The following ZDHHC21 variants were observed in gnomAD, a reference collection of about 807,000 sequenced individuals.
The protein encoded by ZDHHC21 is palmitoyltransferase ZDHHC21.
A neutral mutation model predicts 34.6 loss-of-function variants in ZDHHC21; 15 were observed. That is an observed-to-expected ratio of 0.43 (90% CI 0.29 to 0.67). The LOEUF is 0.67. ZDHHC21 is among the 30% of genes least tolerant of loss of function. ZDHHC21 has a pLI of 0.14. For missense variants in ZDHHC21, 344 were observed against 327.7 expected, an observed-to-expected ratio of 1.05 and a Z score of -0.38; for synonymous variants, 142 against 101.8, an observed-to-expected ratio of 1.40 and a Z score of -2.38.
intron 2 of ZDHHC21, among the ~76,000 whole-genome samples, chr9:14,687,285 C>T (rs1362964085): frequency 2.0e-5 from 3 of 150,778 alleles, no homozygotes; most frequent in African/African-American, 7.5e-5. Context: ...CAGAGCTACA[C>T]TGCAGACACA....
intron 2 of ZDHHC21, among the ~76,000 whole-genome samples, chr9:14,684,025 T>C: frequency 6.6e-6 from 1 of 152,184 alleles, no homozygotes; most frequent in Non-Finnish European, 1.5e-5. Flanking sequence ...AAACTCTTAA[T>C]AAATTAGGTA....
chr9:14,637,297 G>A (rs1330958809), intron 8 of ZDHHC21, among the ~76,000 whole-genome samples: 1 of 151,902 alleles, frequency 6.6e-6, no homozygotes, highest in African/African-American at 2.4e-5. Context: ...AAAAAACCTA[G>A]AGTAAATGAT....
chr9:14,652,744 T>C (rs1730580794), intron 7 of ZDHHC21, among the ~76,000 whole-genome samples: 1 of 151,964 alleles, frequency 6.6e-6, no homozygotes, highest in Non-Finnish European at 1.5e-5. Flanking sequence ...GTACCAGTTT[T>C]CTACTGAATA....
intron 8 of ZDHHC21, among the ~76,000 whole-genome samples, chr9:14,619,936 C>G (rs1824995627): frequency 6.6e-6 from 1 of 151,562 alleles, no homozygotes; most frequent in African/African-American, 2.4e-5. Flanking sequence ...GACAGTATCA[C>G]TTCATTAAAA....
intron 1 of ZDHHC21, among the ~76,000 whole-genome samples, chr9:14,691,508 T>C (rs1330784609): frequency 6.6e-6 from 1 of 152,226 alleles, no homozygotes; most frequent in Non-Finnish European, 1.5e-5. Flanking sequence ...AAATAAGAAG[T>C]ACATGTTATG....
intron 6 of ZDHHC21, among the ~76,000 whole-genome samples, chr9:14,659,221 G>A (rs369774430): frequency 6.6e-6 from 1 of 152,122 alleles, no homozygotes; most frequent in East Asian, 1.9e-4. Context: ...AGGATGTAGA[G>A]TTAGAAGACA....
downstream of ZDHHC21, among the ~76,000 whole-genome samples, chr9:14,606,187 A>G (rs905898919): frequency 9.2e-5 from 14 of 152,158 alleles, no homozygotes; most frequent in Admixed American, 4.6e-4. Context: ...CCCATCCTAT[A>G]TACTTTTCCT....
chr9:14,630,267 C>A lies in ZDHHC21; in HGVS notation c.621+9629G>T, dbSNP rs576663191. ...CCTTTGTTGTCATTTCAATAACGTC[C>A]ACAGTATCTTCATTAAGGGTAAACT... is the stretch of plus-strand genomic sequence containing the variant. On this transcript the variant is annotated intron_variant, in intron 8 of 9. Transcript: ENST00000380916. Among the ~76,000 whole-genome samples the A allele has an allele frequency of 5.3e-5, 8 of 152,288 alleles. No homozygotes were observed. The South Asian group carries it at 6.2e-4, about 12-fold the overall frequency.
intron 9 of ZDHHC21, 88 bp downstream of exon 9, chr9:14,619,551 T>C: frequency 9.4e-7 from 1 of 1,068,052 alleles, no homozygotes; most frequent in African/African-American, 1.6e-5. Context: ...ATCATTATAT[T>C]ATCTATCTAC....
chr9:14,642,180 A>T (rs1003789428), intron 7 of ZDHHC21, among the ~76,000 whole-genome samples: 1 of 152,244 alleles, frequency 6.6e-6, no homozygotes, highest in Non-Finnish European at 1.5e-5. Flanking sequence ...AGTAGTAAAA[A>T]AACTTTAATC....
chr9:14,690,693 A>G (rs1839032032), intron 1 of ZDHHC21, among the ~76,000 whole-genome samples: 1 of 152,202 alleles, frequency 6.6e-6, no homozygotes, highest in Non-Finnish European at 1.5e-5. Context: ...AAGTACCATC[A>G]TACTAAGGTA....
At chr9:14,678,726 G>A (rs898995933) in intron 3 of ZDHHC21, among the ~76,000 whole-genome samples, 6 of 152,206 alleles carry the variant, frequency 3.9e-5, no homozygotes, top group African/African-American at 1.2e-4. Context: ...CAAGGATACA[G>A]CACTTTCTGT....
At chr9:14,595,399 A>G in the ZDHHC21 span, among the ~76,000 whole-genome samples, 2 of 152,372 alleles carry the variant, frequency 1.3e-5, no homozygotes, top group Non-Finnish European at 1.5e-5. Context: ...AAGTGAAAAG[A>G]GTCAGACATA....
In ZDHHC21 at chr9:14,693,403, G is replaced by C. The variant is rs1442012257; in HGVS notation, c.-399C>G. The C allele has an allele frequency of 6.8e-6, 2 of 294,346 alleles. No individual in the cohort carries two copies. Among genetic ancestry groups the C allele is most frequent in the South Asian group, 2.5e-5 (1 of 39,518 alleles). 18.2% of individuals were successfully genotyped at this position (294,346 alleles called of 1,614,324 possible). A position where few individuals can be genotyped will look rare whatever the true frequency, so the allele number is the denominator to read the frequency against. The stretch of plus-strand genomic sequence containing the variant: ...GGACCGGCCGAGTGGGTGTCCGCAT[G>C]CCCGCGCGCCCGCGTGGGGAGGGAC... On this transcript the variant is annotated 5_prime_UTR_variant, in exon 1 of 10. Coordinates refer to ENST00000380916, the MANE Select transcript of ZDHHC21 (RefSeq NM_178566.6).
chr9:14,686,862 A>G (rs1422710271), intron 2 of ZDHHC21, among the ~76,000 whole-genome samples: 1 of 150,212 alleles, frequency 6.7e-6, no homozygotes, highest in Non-Finnish European at 1.5e-5. Flanking sequence ...AATCACAACT[A>G]CTTAGGAGGT....
rs1247868987 is a variant in ZDHHC21, at chr9:14,616,541, G to A, written c.*2425C>T. Reference sequence around the variant, plus strand: ...ACTTATGGGGCAGTAAATCTTTAGAGCCAGTATAATTACATCAATTAGCCA... The same window carrying A: ...ACTTATGGGGCAGTAAATCTTTAGAACCAGTATAATTACATCAATTAGCCA... On this transcript the variant is annotated 3_prime_UTR_variant, in exon 10 of 10. Transcript: ENST00000380916. The A allele has an allele frequency of 6.6e-6, 1 of 151,660 alleles. No homozygotes were observed. Among genetic ancestry groups the A allele is most frequent in the Non-Finnish European group, 1.5e-5 (1 of 67,768 alleles). 9.4% of individuals were successfully genotyped at this position (151,660 alleles called of 1,614,324 possible). A position where few individuals can be genotyped will look rare whatever the true frequency, so the allele number is the denominator to read the frequency against.
intron 7 of ZDHHC21, among the ~76,000 whole-genome samples, chr9:14,655,598 C>T (rs1832065166): frequency 6.6e-6 from 1 of 151,600 alleles, no homozygotes; most frequent in African/African-American, 2.4e-5. Context: ...TCATTAGGTG[C>T]ACAATGGTAA....
chr9:14,630,832 G>A (rs546472694), intron 8 of ZDHHC21, among the ~76,000 whole-genome samples: 1 of 152,252 alleles, frequency 6.6e-6, no homozygotes, highest in South Asian at 2.1e-4. Context: ...TTTTTTTCCT[G>A]AGCAGTAGTT....
chr9:14,604,380 T>TA, the ZDHHC21 span, among the ~76,000 whole-genome samples: 9 of 152,154 alleles, frequency 5.9e-5, no homozygotes. Context: ...ATGTTTTGTT[T>TA]AAAAAATGTG....
Sources: gnomAD v4.1 joint callset for allele counts (sites outside exome capture counted in the v4.1 genomes callset) on GRCh38, gnomAD v4.1.1 for gene constraint, MANE v1.5 for transcripts, NCBI Gene and HGNC (gene_info 2026-07-23, HGNC 2026-07-21) for gene names.